CSMD1: variants seen among roughly 807,000 people sequenced by gnomAD.
CSMD1 encodes the protein CUB and Sushi multiple domains 1, also known as CUB and sushi domain-containing protein 1.
Under a neutral mutation model 417.5 loss-of-function variants are expected in CSMD1, and 213 were observed. That is an observed-to-expected ratio of 0.51 (90% confidence interval 0.46 to 0.57). The LOEUF (loss-of-function observed/expected upper bound fraction) is 0.57, where lower values mean the gene tolerates loss of function less well. Ranked by LOEUF, CSMD1 falls within the 20% of genes least tolerant of loss-of-function variation. CSMD1 has a pLI of 0.00. For missense variants in CSMD1, 6,923 were observed against 4,529.7 expected, an observed-to-expected ratio of 1.53 and a Z score of -15.17; for synonymous variants, 2,862 against 1,736.8, an observed-to-expected ratio of 1.65 and a Z score of -16.11.
chr8:3,396,549 C>A (rs532442835), intron 16 of CSMD1, among the ~76,000 whole-genome samples, 168 bp from the exon 17 acceptor site: 1 of 152,116 alleles, frequency 6.6e-6, no homozygotes, highest in Non-Finnish European at 1.5e-5. Context: ...ATAGTATGTT[C>A]TTTTCTTGAT....
chr8:4,569,621 A>G (rs1337859818), intron 2 of CSMD1, among the ~76,000 whole-genome samples: 1 of 152,198 alleles, frequency 6.6e-6, no homozygotes, highest in Non-Finnish European at 1.5e-5. Flanking sequence ...TGTCTTAGCT[A>G]TACGGGCTCT....
chr8:4,250,367 CTG>C (rs2128830338), intron 3 of CSMD1, among the ~76,000 whole-genome samples: 1 of 152,272 alleles, frequency 6.6e-6, no homozygotes, highest in East Asian at 1.9e-4. Context: ...TAATGTGACT[CTG>C]TGCATAGTGT....
intron 5 of CSMD1, among the ~76,000 whole-genome samples, chr8:3,842,350 A>G (rs1008257071): frequency 8.5e-5 from 13 of 152,182 alleles, no homozygotes; most frequent in East Asian, 3.9e-4. Flanking sequence ...TTAGATACCC[A>G]TATCAATACC....
intron 3 of CSMD1, among the ~76,000 whole-genome samples, chr8:4,198,284 C>T (rs1799452977): frequency 1.3e-5 from 2 of 152,216 alleles, no homozygotes. Context: ...AGAAGGTAAA[C>T]CCCAGAGAAG....
At chr8:4,181,129 C>T (rs966575985) in intron 3 of CSMD1, among the ~76,000 whole-genome samples, 10 of 152,158 alleles carry the variant, frequency 6.6e-5, no homozygotes, top group East Asian at 3.9e-4. Flanking sequence ...CCAAGTGCTG[C>T]GAAACAGCCA....
Position 2,936,671 on chromosome 8 carries a change from G to A in CSMD1, c.*1914C>T, listed in dbSNP as rs2128909732. The A allele has an allele frequency of 6.6e-6, 1 of 152,330 alleles. No individual in the cohort carries two copies. Among genetic ancestry groups the A allele is most frequent in the South Asian group, 2.1e-4 (1 of 4,818 alleles). 9.4% of individuals were successfully genotyped at this position (152,330 alleles called of 1,614,324 possible). A position where few individuals can be genotyped will look rare whatever the true frequency, so the allele number is the denominator to read the frequency against. On this transcript the variant is annotated 3_prime_UTR_variant, in exon 70 of 70. Coordinates refer to ENST00000635120, the MANE Select transcript of CSMD1 (RefSeq NM_033225.6). ...GGTTCACAAGACAAAGGAGTCCCTAGGAGAGGCCAGTGAGTCCCCAAACAG... is the reference window on the plus strand; with the variant it reads ...GGTTCACAAGACAAAGGAGTCCCTAAGAGAGGCCAGTGAGTCCCCAAACAG...
intron 37 of CSMD1, among the ~76,000 whole-genome samples, chr8:3,162,709 T>A (rs1460403): frequency 0.052 from 7,869 of 151,568 alleles, 306 homozygotes; most frequent in Admixed American, 0.12. Flanking sequence ...TGGAATTCTG[T>A]TCTTCTACAA....
At chr8:3,586,034 C>G in intron 9 of CSMD1, 102 bp downstream of exon 9, 1 of 1,201,616 alleles carries the variant, frequency 8.3e-7, no homozygotes, top group Non-Finnish European at 1.1e-6. Flanking sequence ...CCGAATTCTA[C>G]TCTTCCCATA....
intron 1 of CSMD1, among the ~76,000 whole-genome samples, chr8:4,691,361 C>T (rs941858166): frequency 1.5e-4 from 23 of 152,080 alleles, no homozygotes; most frequent in Admixed American, 1.5e-3. Context: ...GTCACTGGGC[C>T]CACTCACCTA....
intron 25 of CSMD1, among the ~76,000 whole-genome samples, chr8:3,306,072 TATGTAGGGAGAACC>T (rs1804816153): frequency 6.6e-6 from 1 of 152,292 alleles, no homozygotes; most frequent in East Asian, 1.9e-4. Context: ...TTGCTCCTTT[TATGTAGGGAGAACC>T]TTTCTCATGT....
At chr8:4,980,739 C>A (rs1318911985) in intron 1 of CSMD1, among the ~76,000 whole-genome samples, 2 of 152,012 alleles carry the variant, frequency 1.3e-5, no homozygotes, top group Non-Finnish European at 2.9e-5. Flanking sequence ...CCTGTCTCTG[C>A]AAAAAGCTAC....
chr8:4,566,858 T>C (rs1798638139), intron 2 of CSMD1, among the ~76,000 whole-genome samples: 1 of 127,650 alleles, frequency 7.8e-6, no homozygotes, highest in Admixed American at 8.1e-5. Flanking sequence ...CTCCATCTTT[T>C]CTTTAAAAAA....
intron 40 of CSMD1, among the ~76,000 whole-genome samples, chr8:3,147,336 G>A (rs975041988): frequency 2.6e-5 from 4 of 151,838 alleles, no homozygotes; most frequent in Admixed American, 6.6e-5. Context: ...ATTTTTACAC[G>A]AAAGCAACTT....
chr8:4,106,179 G>C (rs183827850), intron 3 of CSMD1, among the ~76,000 whole-genome samples: 87 of 152,298 alleles, frequency 5.7e-4, no homozygotes, highest in Middle Eastern at 3.4e-3. Flanking sequence ...GTCTGTGCCT[G>C]ATGGACACCC....
intron 1 of CSMD1, among the ~76,000 whole-genome samples, chr8:4,976,232 AC>A (rs912654493): frequency 6.6e-6 from 1 of 152,152 alleles, no homozygotes; most frequent in South Asian, 2.1e-4. Flanking sequence ...GAGTATCCAT[AC>A]CCCAAACCTC....
intron 49 of CSMD1, among the ~76,000 whole-genome samples, chr8:3,080,162 C>A (rs1813982888): frequency 6.6e-6 from 1 of 152,166 alleles, no homozygotes; most frequent in Admixed American, 6.5e-5. Flanking sequence ...TAAATAGCTG[C>A]CTGGGAGTTG....
chr8:4,509,238 G>A (rs1364792168), intron 2 of CSMD1, among the ~76,000 whole-genome samples: 4 of 152,042 alleles, frequency 2.6e-5, no homozygotes, highest in Admixed American at 1.3e-4. Context: ...ATATTAAAGA[G>A]ATCAAAGAGA....
intron 25 of CSMD1, among the ~76,000 whole-genome samples, chr8:3,291,286 C>CT (rs535677839): frequency 3.4e-4 from 52 of 152,180 alleles, no homozygotes; most frequent in African/African-American, 1.2e-3. Context: ...CTAAAATTCT[C>CT]TTTTTTTGTT....
chr8:3,186,731 G>A lies in CSMD1; in HGVS notation c.5620+1138C>T, dbSNP rs536559877. On this transcript the variant is annotated intron_variant, in intron 36 of 69. Coordinates refer to ENST00000635120, the MANE Select transcript of CSMD1 (RefSeq NM_033225.6). ...TTGCAGTAGAGATAAACAACTGACA[G>A]AATTCAGACAAATGGGATAGAAGGA... Among the ~76,000 whole-genome samples, 9 of 152,282 alleles carry A rather than the reference G, an allele frequency of 5.9e-5. No homozygotes were observed. The South Asian group carries it at 1.5e-3, about 25-fold the overall frequency.
Sources: gnomAD v4.1 joint callset for allele counts (sites outside exome capture counted in the v4.1 genomes callset) on GRCh38, gnomAD v4.1.1 for gene constraint, MANE v1.5 for transcripts, NCBI Gene and HGNC (gene_info 2026-07-23, HGNC 2026-07-21) for gene names.